The following LRRTM3 variants were observed in gnomAD, a reference collection of about 807,000 sequenced individuals.
The protein encoded by LRRTM3 is leucine-rich repeat transmembrane neuronal protein 3.
LRRTM3 carries 24 observed loss-of-function variants against 44.7 expected under a neutral mutation model. That is an observed-to-expected ratio of 0.54 (90% confidence interval 0.39 to 0.76). LRRTM3 has a LOEUF of 0.76. LRRTM3 is among the 30% of genes least tolerant of loss of function. The pLI is 0.00. For synonymous variants in LRRTM3, 277 were observed against 278.7 expected (o/e 0.99, Z 0.06); for missense variants, 587 against 702.2 (o/e 0.84, Z 1.85).
intron 2 of LRRTM3, among the ~76,000 whole-genome samples, chr10:67,028,813 T>G (rs1465582359): frequency 1.3e-5 from 2 of 152,166 alleles, no homozygotes; most frequent in African/African-American, 2.4e-5. Flanking sequence ...ATTCTACAAG[T>G]AATTACATTA....
At chr10:67,085,402 TGA>T (rs1857248803) in intron 2 of LRRTM3, among the ~76,000 whole-genome samples, 1 of 146,312 alleles carries the variant, frequency 6.8e-6, no homozygotes, top group African/African-American at 2.5e-5. Context: ...AAAAAAAAAA[TGA>T]GAGGGACTAA....
intron 2 of LRRTM3, among the ~76,000 whole-genome samples, chr10:67,003,018 T>C (rs1233970910): frequency 6.6e-6 from 1 of 152,182 alleles, no homozygotes; most frequent in Admixed American, 6.6e-5. Context: ...ACGGTAATTA[T>C]GATACTATTT....
intron 2 of LRRTM3, among the ~76,000 whole-genome samples, chr10:67,051,463 C>CTTTTTTT (rs11334360): frequency 7.7e-6 from 1 of 129,736 alleles, no homozygotes; most frequent in Non-Finnish European, 1.7e-5. Context: ...TTTCTTTTTT[C>CTTTTTTT]TTTTTTTTTT....
chr10:66,976,194 A>G (rs1209969615), intron 2 of LRRTM3, among the ~76,000 whole-genome samples: 1 of 152,232 alleles, frequency 6.6e-6, no homozygotes, highest in Non-Finnish European at 1.5e-5. Context: ...AACTCATGAA[A>G]TAATTATAAG....
intron 2 of LRRTM3, among the ~76,000 whole-genome samples, chr10:66,995,501 G>A (rs1197434851): frequency 1.3e-5 from 2 of 152,120 alleles, no homozygotes; most frequent in Non-Finnish European, 2.9e-5. Flanking sequence ...TTTAAAACAC[G>A]AAGCAGATAA....
chr10:66,972,700 ATTTTTTTTTTTT>A (rs56664927), intron 2 of LRRTM3, among the ~76,000 whole-genome samples: 2 of 108,656 alleles, frequency 1.8e-5, no homozygotes, highest in Admixed American at 1.1e-4. Context: ...TGTCAAATAG[ATTTTTTTTTTTT>A]TTTTTTTTTT....
At chr10:66,993,869 T>C (rs1273444323) in intron 2 of LRRTM3, among the ~76,000 whole-genome samples, 1 of 152,202 alleles carries the variant, frequency 6.6e-6, no homozygotes, top group Non-Finnish European at 1.5e-5. Flanking sequence ...TTTCTTCTTA[T>C]CCGATTTATT....
chr10:66,945,331 C>G (rs1382721394), intron 2 of LRRTM3, among the ~76,000 whole-genome samples: 1 of 152,188 alleles, frequency 6.6e-6, no homozygotes, highest in Non-Finnish European at 1.5e-5. Flanking sequence ...TTACTTTGCA[C>G]TTTTATGTTA....
intron 2 of LRRTM3, among the ~76,000 whole-genome samples, chr10:67,083,438 C>A (rs1215979846): frequency 6.6e-6 from 1 of 152,032 alleles, no homozygotes; most frequent in Non-Finnish European, 1.5e-5. Context: ...TGGCCACCCC[C>A]ACTAAAGCAG....
At chr10:67,023,508 C>G (rs1015607941) in intron 2 of LRRTM3, among the ~76,000 whole-genome samples, 6 of 152,114 alleles carry the variant, frequency 3.9e-5, no homozygotes, top group Non-Finnish European at 8.8e-5. Flanking sequence ...AATAGAATAG[C>G]TCTAACTTAA....
intron 2 of LRRTM3, among the ~76,000 whole-genome samples, chr10:67,052,234 C>A (rs1012938304): frequency 6.6e-6 from 1 of 152,084 alleles, no homozygotes; most frequent in African/African-American, 2.4e-5. Flanking sequence ...AAAATTCTGA[C>A]TGCAAAGCAC....
At chr10:67,085,563 G>A (rs1857259812) in intron 2 of LRRTM3, among the ~76,000 whole-genome samples, 1 of 151,840 alleles carries the variant, frequency 6.6e-6, no homozygotes, top group Admixed American at 6.6e-5. Context: ...ATATCAACAA[G>A]AAGTATTTTA....
chr10:67,068,499 T>C (rs1008074163), intron 2 of LRRTM3, among the ~76,000 whole-genome samples: 1 of 152,104 alleles, frequency 6.6e-6, no homozygotes, highest in African/African-American at 2.4e-5. Flanking sequence ...AACAGGTGAA[T>C]AGTGAGTGAG....
intron 2 of LRRTM3, among the ~76,000 whole-genome samples, chr10:67,086,893 A>G (rs1857343124): frequency 6.6e-6 from 1 of 151,992 alleles, no homozygotes; most frequent in African/African-American, 2.4e-5. Flanking sequence ...ACATTAACTG[A>G]TGTAGTGTTA....
chr10:66,934,487 A>C (rs887551920), intron 2 of LRRTM3, among the ~76,000 whole-genome samples: 4 of 152,158 alleles, frequency 2.6e-5, no homozygotes, highest in Admixed American at 6.6e-5. Context: ...TTAGGACATA[A>C]AACAAATTTA....
At chr10:66,949,527 C>T (rs1269963610) in intron 2 of LRRTM3, among the ~76,000 whole-genome samples, 1 of 151,416 alleles carries the variant, frequency 6.6e-6, no homozygotes, top group African/African-American at 2.4e-5. Flanking sequence ...CATTGGACTC[C>T]ATCCTGGGCA....
chr10:66,987,343 GGAA>G (rs1449563909), intron 2 of LRRTM3, among the ~76,000 whole-genome samples: 9 of 152,142 alleles, frequency 5.9e-5, no homozygotes, highest in Non-Finnish European at 1.2e-4. Context: ...GATGAGAGAT[GGAA>G]GAAGTGATCA....
chr10:66,936,024 G>A (rs1343056886), intron 2 of LRRTM3, among the ~76,000 whole-genome samples: 1 of 152,078 alleles, frequency 6.6e-6, no homozygotes, highest in Non-Finnish European at 1.5e-5. Flanking sequence ...CCAGTATAGT[G>A]TTCCTTCCAG....
rs1848285033 is a variant in LRRTM3 at position 66,946,544 on chromosome 10, A to T, written c.1536+18092A>T. 3.3e-5 allele frequency among the ~76,000 whole-genome samples: 5 copies of T among 152,092 alleles called. No individual in the cohort carries two copies. The South Asian group carries it at 1.0e-3, about 32-fold the overall frequency. On this transcript the variant is annotated intron_variant, in intron 2 of 2. Coordinates refer to ENST00000361320, the MANE Select transcript of LRRTM3 (RefSeq NM_178011.5). ...AAAGCCCCCTCTAGTTCTTCCAATC[A>T]CTATTCCCATACCCAAGGTAACCAC...
Sources: gnomAD v4.1 joint callset for allele counts (sites outside exome capture counted in the v4.1 genomes callset) on GRCh38, gnomAD v4.1.1 for gene constraint, MANE v1.5 for transcripts, NCBI Gene and HGNC (gene_info 2026-07-23, HGNC 2026-07-21) for gene names.